Variants in FOCAD observed in about 807,000 individuals in gnomAD.
The protein encoded by FOCAD is KIAA1797.
FOCAD carries 198 observed loss-of-function variants against 225.6 expected under a neutral mutation model. The ratio of observed to expected loss-of-function variants is 0.88; its 90% confidence interval spans 0.78 to 0.99. FOCAD has a LOEUF of 0.99. FOCAD is among the 50% of genes least tolerant of loss of function. The pLI, the probability that FOCAD is intolerant of heterozygous loss-of-function variation, is 0.00. For missense variants in FOCAD, 2,713 were observed against 2,123.6 expected (o/e 1.28, Z -5.46); for synonymous variants, 897 against 755.0 (o/e 1.19, Z -3.08).
At chr9:20,900,435 C>A (rs1283929092) in intron 21 of FOCAD, among the ~76,000 whole-genome samples, 4 of 151,730 alleles carry the variant, frequency 2.6e-5, no homozygotes, top group Non-Finnish European at 5.9e-5. Flanking sequence ...TCATTTGATT[C>A]TTTTTACCTA....
intron 2 of FOCAD, among the ~76,000 whole-genome samples, chr9:20,674,832 A>G (rs578138810): frequency 1.6e-4 from 25 of 152,338 alleles, no homozygotes; most frequent in East Asian, 3.9e-4. Context: ...CATGGTTATA[A>G]GGACTGAAAT....
Position 20,715,359 on chromosome 9 carries a change from AGAT to A in FOCAD, c.10_12del (p.Asp4del), listed in dbSNP as rs1825245137. ...TACATGTAAGAGAAGCAAAAATGTC[AGAT>A]GATATCAGGAAAAGGTTTGAATTTC... On this transcript the variant is annotated inframe_deletion, in exon 2 of 44. Coordinates refer to ENST00000338382, the MANE Select transcript of FOCAD (RefSeq NM_001375567.1). 6.6e-7 allele frequency: 1 copy of A among 1,524,524 alleles called. No individual in the cohort carries two copies. Among genetic ancestry groups the A allele is most frequent in the South Asian group, 1.4e-5 (1 of 72,814 alleles). 94.4% of individuals were successfully genotyped at this position (1,524,524 alleles called of 1,614,324 possible).
chr9:20,769,958 A>T (rs1220015048), intron 7 of FOCAD, 74 bp from the exon 8 acceptor site: 5 of 1,367,224 alleles, frequency 3.7e-6, no homozygotes, highest in African/African-American at 1.5e-5. Context: ...CATTGTTCAA[A>T]GCTTTTTGTG....
chr9:20,752,305 G>A (rs1424638768), intron 5 of FOCAD, among the ~76,000 whole-genome samples: 1 of 150,862 alleles, frequency 6.6e-6, no homozygotes, highest in South Asian at 2.1e-4. Flanking sequence ...TAACGTTTAA[G>A]TCTTTAATCC....
At position 20,789,355 on chromosome 9, in the gene FOCAD, C is replaced by T; in HGVS notation, c.1202C>T (p.Ser401Phe). 1.9e-6 allele frequency: 3 copies of T among 1,610,192 alleles called. No homozygotes were observed. Among genetic ancestry groups the T allele is most frequent in the East Asian group, 2.2e-5 (1 of 44,762 alleles). ...ECYRDDHQKL[S>F]YKLVCPVTSM... ...TCTCTTGTCTTTATTTTTCAGCTCT[C>T]CTACAAGCTTGTGTGCCCTGTAACC... is the stretch of plus-strand genomic sequence containing the variant. Residue 401 changes from serine to phenylalanine, a missense_variant, in exon 11 of 44, where the codon TCC (serine) becomes TTC (phenylalanine). Physicochemically the swap from Ser to Phe is radical, Grantham distance 155. Coordinates refer to ENST00000338382, the MANE Select transcript of FOCAD (RefSeq NM_001375567.1).
chr9:20,769,554 G>A (rs958930769), intron 7 of FOCAD, among the ~76,000 whole-genome samples: 3 of 152,226 alleles, frequency 2.0e-5, no homozygotes, highest in Non-Finnish European at 2.9e-5. Flanking sequence ...TCTGCCAAGT[G>A]TGGAGATGAT....
intron 10 of FOCAD, among the ~76,000 whole-genome samples, chr9:20,788,822 C>G (rs986881937): frequency 2.0e-5 from 3 of 152,142 alleles, no homozygotes; most frequent in Non-Finnish European, 4.4e-5. Context: ...AGGCCATTTC[C>G]TATTGCAGAA....
chr9:20,752,787 A>C (rs1828690216), intron 5 of FOCAD, among the ~76,000 whole-genome samples: 1 of 152,136 alleles, frequency 6.6e-6, no homozygotes. Flanking sequence ...CTTCCTACCC[A>C]TGAGCATGGA....
intron 19 of FOCAD, 61 bp from the exon 20 acceptor site, chr9:20,881,810 A>T: frequency 1.3e-6 from 2 of 1,533,542 alleles, no homozygotes; most frequent in Non-Finnish European, 1.8e-6. Flanking sequence ...TTAAGAACGC[A>T]TGTTTCTCTT....
chr9:20,825,424 G>T (rs1287683531), intron 15 of FOCAD, among the ~76,000 whole-genome samples: 1 of 152,038 alleles, frequency 6.6e-6, no homozygotes, highest in East Asian at 1.9e-4. Flanking sequence ...AAAACATTCA[G>T]CATAGTTATA....
chr9:20,731,198 A>G (rs1286015303), intron 4 of FOCAD, among the ~76,000 whole-genome samples: 2 of 152,160 alleles, frequency 1.3e-5, no homozygotes, highest in Non-Finnish European at 2.9e-5. Flanking sequence ...AGATCGTGCC[A>G]CTGCACTCCA....
intron 15 of FOCAD, among the ~76,000 whole-genome samples, chr9:20,861,494 G>C (rs1346236072): frequency 1.3e-5 from 2 of 152,208 alleles, no homozygotes; most frequent in Admixed American, 1.3e-4. Context: ...AAATCAAAGA[G>C]CATTTATTAT....
At chr9:20,960,497 A>T (rs574361455) in intron 35 of FOCAD, among the ~76,000 whole-genome samples, 1 of 152,204 alleles carries the variant, frequency 6.6e-6, no homozygotes, top group Non-Finnish European at 1.5e-5. Context: ...ATTTTCACCG[A>T]TTAGTTTTAG....
chr9:20,913,002 T>A (rs1833566391), intron 23 of FOCAD, 48 bp downstream of exon 23: 1 of 1,485,204 alleles, frequency 6.7e-7, no homozygotes, highest in Admixed American at 1.7e-5. Context: ...GGAAGTGAGC[T>A]ATGAGGGGAA....
intron 11 of FOCAD, among the ~76,000 whole-genome samples, chr9:20,798,506 T>C (rs191121259): frequency 3.9e-5 from 6 of 152,348 alleles, no homozygotes; most frequent in Middle Eastern, 3.4e-3. Context: ...AAGCTATTAA[T>C]TATTTCCTCA....
At chr9:20,984,226 A>C (rs1840956936) in intron 39 of FOCAD, among the ~76,000 whole-genome samples, 1 of 152,208 alleles carries the variant, frequency 6.6e-6, no homozygotes, top group Non-Finnish European at 1.5e-5. Flanking sequence ...ACCTTAATTT[A>C]AGCAAGTTGC....
chr9:20,769,359 A>C (rs954757764), intron 7 of FOCAD, among the ~76,000 whole-genome samples: 1 of 152,188 alleles, frequency 6.6e-6, no homozygotes, highest in Non-Finnish European at 1.5e-5. Flanking sequence ...CGTTGTTTGT[A>C]ATCTCTGGGA....
intron 4 of FOCAD, 78 bp from the exon 5 acceptor site, chr9:20,740,158 T>C (rs966520633): frequency 2.0e-5 from 19 of 936,966 alleles, no homozygotes; most frequent in Non-Finnish European, 2.8e-5. Flanking sequence ...AAAATTATTT[T>C]AAAATGATAG....
intron 7 of FOCAD, among the ~76,000 whole-genome samples, chr9:20,767,088 T>G (rs1830114173): frequency 6.6e-6 from 1 of 151,100 alleles, no homozygotes; most frequent in African/African-American, 2.4e-5. Flanking sequence ...GGTTTTTTGT[T>G]CTTGCGATAG....
Sources: gnomAD v4.1 joint callset for allele counts (sites outside exome capture counted in the v4.1 genomes callset) on GRCh38, gnomAD v4.1.1 for gene constraint, MANE v1.5 for transcripts, NCBI Gene and HGNC (gene_info 2026-07-23, HGNC 2026-07-21) for gene names.